Variants in WEE2 observed in about 807,000 individuals in gnomAD.
WEE2 encodes the protein wee1-like protein kinase 2.
In WEE2, 50 loss-of-function variants were observed where a neutral mutation model predicts 60.1. The observed-to-expected ratio is 0.83, with a 90% confidence interval of 0.66 to 1.05. The LOEUF (loss-of-function observed/expected upper bound fraction) is 1.05. Ranked by LOEUF, WEE2 falls within the 50% of genes least tolerant of loss-of-function variation. The pLI, the probability that WEE2 is intolerant of heterozygous loss-of-function variation, is 0.00. For synonymous variants in WEE2, 240 were observed against 241.0 expected (o/e 1.00, Z 0.04); for missense variants, 631 against 684.3 (o/e 0.92, Z 0.87).
chr7:141,708,515 C>A lies in WEE2; in HGVS notation c.-244C>A. 1 of 548,500 alleles carries A rather than the reference C, an allele frequency of 1.8e-6. No homozygotes were observed. The highest frequency in any genetic ancestry group is 1.9e-5 in the African/African-American group (1 of 53,246). The allele number at this position is 548,500 out of a possible 1,614,324, so 34.0% of individuals were successfully genotyped here. On this transcript the variant is annotated 5_prime_UTR_variant, in exon 1 of 12. Coordinates refer to ENST00000397541, the MANE Select transcript of WEE2 (RefSeq NM_001105558.1). ...GTACATGAACTGCATTTAATTGCTC[C>A]GAGAGTCACTGGAGCTTTCTTTAAT...
At chr7:141,726,810 G>A (rs1799026135) in intron 9 of WEE2, among the ~76,000 whole-genome samples, 1 of 152,168 alleles carries the variant, frequency 6.6e-6, no homozygotes, top group Non-Finnish European at 1.5e-5. Flanking sequence ...TTCAGTTGCT[G>A]TATATAATTA....
At position 141,729,690 on chromosome 7, in the gene WEE2, TTAAG is replaced by T. The variant is rs943661035; in HGVS notation, c.1678+18_1678+21del. The T allele has an allele frequency of 2.6e-5, 42 of 1,600,280 alleles. No homozygotes were observed. The highest frequency in any genetic ancestry group is 3.6e-5 in the Non-Finnish European group (42 of 1,174,418). On this transcript the variant is annotated intron_variant, in intron 11 of 11. Transcript: ENST00000397541. ...GCTTTACCTGTGAGTAATCTTCCCC[TTAAG>T]AACTCATTTTGCAGCCGGGCGTGGT...
intron 1 of WEE2, among the ~76,000 whole-genome samples, chr7:141,713,500 T>C (rs771199747): frequency 1.3e-5 from 2 of 152,206 alleles, no homozygotes; most frequent in Non-Finnish European, 2.9e-5. Context: ...GTCCTGCACA[T>C]TGACCTATTT....
At chr7:141,725,261 T>C in intron 9 of WEE2, 65 bp downstream of exon 9, 3 of 1,535,812 alleles carry the variant, frequency 2.0e-6, no homozygotes, top group South Asian at 1.2e-5. Flanking sequence ...TGGCAACTAG[T>C]TGGGCAAAGA....
chr7:141,726,651 T>A (rs1211800410), intron 9 of WEE2, among the ~76,000 whole-genome samples: 3 of 152,212 alleles, frequency 2.0e-5, no homozygotes, highest in Non-Finnish European at 4.4e-5. Context: ...TTTTGTTAAA[T>A]TCTAAAAATA....
Position 141,718,480 on chromosome 7 carries a change from T to C in WEE2, c.586-592T>C, listed in dbSNP as rs541279927. 7.2e-5 allele frequency among the ~76,000 whole-genome samples: 11 copies of C among 152,274 alleles called. No individual in the cohort carries two copies. The South Asian group carries it at 2.3e-3, about 32-fold the overall frequency. On this transcript the variant is annotated intron_variant, in intron 3 of 11. Transcript: ENST00000397541. Reference sequence around the variant, plus strand: ...CTGGGGTTATTTACTACCTGGGCAATGAATGATGTTGCTAGTTGGCCAGTA... The same window carrying C: ...CTGGGGTTATTTACTACCTGGGCAACGAATGATGTTGCTAGTTGGCCAGTA...
In WEE2 at chr7:141,723,125, CT is replaced by C; in HGVS notation, c.881-6del. 6.2e-7 allele frequency: 1 copy of C among 1,613,912 alleles called. No individual in the cohort carries two copies. The highest frequency in any genetic ancestry group is 8.5e-7 in the Non-Finnish European group (1 of 1,179,876). ...TACTGTGGGGCTGTTCTCTGTTGTT[CT>C]TTCCCAGGTGGGAGTTTGCAAGCTG... On this transcript the variant is annotated splice_polypyrimidine_tract_variant and splice_region_variant and intron_variant, in intron 5 of 11. Transcript: ENST00000397541.
At chr7:141,710,387 G>C (rs1798691552) in intron 1 of WEE2, among the ~76,000 whole-genome samples, 1 of 152,130 alleles carries the variant, frequency 6.6e-6, no homozygotes, top group Non-Finnish European at 1.5e-5. Flanking sequence ...GTGGCTTTGA[G>C]TAAGAGTACA....
At chr7:141,722,320 G>A (rs1340351462) in intron 5 of WEE2, among the ~76,000 whole-genome samples, 4 of 152,244 alleles carry the variant, frequency 2.6e-5, no homozygotes, top group South Asian at 2.1e-4. Context: ...CAGGAGAATC[G>A]CTTGAACCCG....
intron 9 of WEE2, among the ~76,000 whole-genome samples, chr7:141,726,307 G>A (rs1799016514): frequency 6.6e-6 from 1 of 151,792 alleles, no homozygotes; most frequent in Admixed American, 6.6e-5. Flanking sequence ...TTGGGACAGG[G>A]TCTCATTCTG....
chr7:141,719,041 C>A, intron 3 of WEE2, 31 bp from the exon 4 acceptor site: 1 of 1,600,810 alleles, frequency 6.2e-7, no homozygotes, highest in Non-Finnish European at 8.5e-7. Context: ...GGTAGAATTA[C>A]TCTAATTTCC....
intron 2 of WEE2, among the ~76,000 whole-genome samples, chr7:141,715,124 CT>C (rs1213549847): frequency 6.6e-6 from 1 of 152,178 alleles, no homozygotes; most frequent in Admixed American, 6.5e-5. Context: ...CAAGTTGTTT[CT>C]TTGGAGTCAA....
In WEE2 at chr7:141,721,053, A is replaced by C. The variant is rs370524893; in HGVS notation, c.877A>C (p.Asn293His). The C allele has an allele frequency of 2.5e-6, 4 of 1,614,068 alleles. No homozygotes were observed. The African/African-American group carries it at 5.3e-5, about 22-fold the overall frequency. The change falls in exon 5 of 12, where the codon AAT (asparagine) becomes CAT (histidine). Residue 293 changes from asparagine to histidine, a missense_variant. Asn to His is a moderately conservative substitution (Grantham distance 68). Coordinates refer to ENST00000397541, the MANE Select transcript of WEE2 (RefSeq NM_001105558.1). Reference sequence around the variant, plus strand: ...CATGATCATTCAGAATGAATACTGCAATGGTAAGTAGTATATAGATGAATA... The same window carrying C: ...CATGATCATTCAGAATGAATACTGCCATGGTAAGTAGTATATAGATGAATA... ...DHMIIQNEYC[N>H]GGSLQAAISE...
Position 141,709,120 on chromosome 7 carries a change from A to T in WEE2, c.342+20A>T. On this transcript the variant is annotated intron_variant, in intron 1 of 11. Coordinates refer to ENST00000397541, the MANE Select transcript of WEE2 (RefSeq NM_001105558.1). Reference sequence around the variant, plus strand: ...CCCAAAGTAAGTAAGGGGTGGGGGAAAAAGGGACGCAGGTCGCCAAGCTCT... The same window carrying T: ...CCCAAAGTAAGTAAGGGGTGGGGGATAAAGGGACGCAGGTCGCCAAGCTCT... The T allele has an allele frequency of 6.2e-7, 1 of 1,602,152 alleles. No homozygotes were observed. Among genetic ancestry groups the T allele is most frequent in the Non-Finnish European group, 8.5e-7 (1 of 1,172,366 alleles).
intron 5 of WEE2, 120 bp downstream of exon 5, chr7:141,721,176 T>G: frequency 8.4e-7 from 1 of 1,188,140 alleles, no homozygotes; most frequent in East Asian, 2.4e-5. Flanking sequence ...CTAAAAAGTC[T>G]GTACTATATA....
intron 5 of WEE2, among the ~76,000 whole-genome samples, chr7:141,722,815 C>A (rs544261575): frequency 6.6e-6 from 1 of 152,124 alleles, no homozygotes; most frequent in African/African-American, 2.4e-5. Context: ...TACTGGATAC[C>A]TGAGATACTG....
chr7:141,720,129 T>C (rs1798881923), intron 4 of WEE2, among the ~76,000 whole-genome samples: 1 of 149,440 alleles, frequency 6.7e-6, no homozygotes, highest in South Asian at 2.1e-4. Context: ...TTATACAGGT[T>C]TTAGAATTCC....
Position 141,719,124 on chromosome 7 carries a change from T to C in WEE2, c.638T>C (p.Leu213Ser), listed in dbSNP as rs1385675866. The change falls in exon 4 of 12, where the codon TTG becomes TCG. Residue 213 changes from leucine to serine, a missense_variant. Transcript: ENST00000397541. ...NMASRYEKEF[L>S]EVEKIGVGEF... Reference sequence around the variant, plus strand: ...GCTTCCCGCTATGAAAAAGAATTCTTGGAGGTTGAAAAAATTGGGGTTGGC... The same window carrying C: ...GCTTCCCGCTATGAAAAAGAATTCTCGGAGGTTGAAAAAATTGGGGTTGGC... 2 of 1,613,956 alleles carry C rather than the reference T, an allele frequency of 1.2e-6. No homozygotes were observed. Among genetic ancestry groups the C allele is most frequent in the Admixed American group, 1.7e-5 (1 of 59,996 alleles).
At chr7:141,718,720 C>A (rs760273138) in intron 3 of WEE2, among the ~76,000 whole-genome samples, 1 of 152,122 alleles carries the variant, frequency 6.6e-6, no homozygotes, top group African/African-American at 2.4e-5. Context: ...TTGCTCCACC[C>A]AGGTCCCAGT....
Sources: allele counts gnomAD v4.1 joint callset (sites outside exome capture counted in the v4.1 genomes callset), GRCh38; gene constraint gnomAD v4.1.1; transcripts MANE v1.5; gene names NCBI Gene and HGNC (gene_info 2026-07-23, HGNC 2026-07-21).